Variants in DCC observed in about 807,000 individuals in gnomAD.
DCC encodes DCC netrin 1 receptor.
Under a neutral mutation model 172.5 loss-of-function variants are expected in DCC, and 58 were observed. That is an observed-to-expected ratio of 0.34 (90% CI 0.27 to 0.42). The LOEUF is 0.42. DCC is among the 10% of genes least tolerant of loss of function. The pLI is 1.00. For synonymous variants in DCC, 709 were observed against 644.5 expected, an observed-to-expected ratio of 1.10 and a Z score of -1.52; for missense variants, 1,740 against 1,791.0, an observed-to-expected ratio of 0.97 and a Z score of 0.51.
chr18:53,178,013 C>T (rs187431180), intron 8 of DCC, among the ~76,000 whole-genome samples: 36 of 152,174 alleles, frequency 2.4e-4, no homozygotes, highest in Non-Finnish European at 4.1e-4. Context: ...TTAAAGTGTA[C>T]GTATAATTCC....
chr18:53,141,490 C>G (rs1283959363), intron 7 of DCC, among the ~76,000 whole-genome samples: 1 of 152,126 alleles, frequency 6.6e-6, no homozygotes, highest in African/African-American at 2.4e-5. Flanking sequence ...AGCCAGAATC[C>G]TAAATTGCCG....
At chr18:53,013,258 T>A (rs1322435815) in intron 5 of DCC, among the ~76,000 whole-genome samples, 1 of 152,140 alleles carries the variant, frequency 6.6e-6, no homozygotes, top group African/African-American at 2.4e-5. Context: ...GTATGTTTAT[T>A]GCAGCACTAT....
At chr18:52,475,975 T>C (rs1277901061) in intron 1 of DCC, among the ~76,000 whole-genome samples, 1 of 152,194 alleles carries the variant, frequency 6.6e-6, no homozygotes, top group Non-Finnish European at 1.5e-5. Context: ...TTAGTTCTTT[T>C]CCAGATAACA....
At chr18:52,402,217 T>A (rs181123022) in intron 1 of DCC, among the ~76,000 whole-genome samples, 1 of 152,100 alleles carries the variant, frequency 6.6e-6, no homozygotes, top group East Asian at 1.9e-4. Context: ...AGTTAAACAT[T>A]TACTTTGGTG....
chr18:52,880,191 G>A (rs888472848), intron 2 of DCC, among the ~76,000 whole-genome samples: 1 of 151,890 alleles, frequency 6.6e-6, no homozygotes, highest in Non-Finnish European at 1.5e-5. Flanking sequence ...GAGTGCAGTG[G>A]TGCATTTCAG....
At chr18:53,127,040 G>A (rs571668334) in intron 7 of DCC, among the ~76,000 whole-genome samples, 2 of 151,636 alleles carry the variant, frequency 1.3e-5, no homozygotes, top group South Asian at 4.2e-4. Flanking sequence ...CTTTCAGACT[G>A]AACACATATT....
intron 1 of DCC, among the ~76,000 whole-genome samples, chr18:52,533,777 G>C (rs1037201314): frequency 3.3e-5 from 5 of 152,124 alleles, no homozygotes; most frequent in Admixed American, 6.6e-5. Context: ...CAATTACTGG[G>C]TGATTTGCTA....
intron 1 of DCC, among the ~76,000 whole-genome samples, chr18:52,600,146 A>T (rs1213450947): frequency 1.3e-5 from 2 of 152,222 alleles, no homozygotes; most frequent in African/African-American, 4.8e-5. Context: ...TGTTCTTCAC[A>T]TTGAGGCTCT....
intron 1 of DCC, among the ~76,000 whole-genome samples, chr18:52,743,991 T>C (rs74375277): frequency 0.055 from 8,363 of 152,278 alleles, 310 homozygotes; most frequent in Middle Eastern, 0.14. Context: ...TCTCTAGATA[T>C]GTGACAACTG....
intron 15 of DCC, among the ~76,000 whole-genome samples, chr18:53,372,156 T>A (rs949298625): frequency 6.6e-6 from 1 of 152,094 alleles, no homozygotes; most frequent in Admixed American, 6.6e-5. Context: ...TAAAGACACA[T>A]GTGTGTGTAT....
intron 14 of DCC, among the ~76,000 whole-genome samples, chr18:53,327,522 ACT>A (rs2057479815): frequency 6.6e-6 from 1 of 151,964 alleles, no homozygotes; most frequent in Admixed American, 6.6e-5. Context: ...TTTAAAATCG[ACT>A]CTCTACCCTG....
intron 1 of DCC, among the ~76,000 whole-genome samples, chr18:52,725,276 A>G (rs907315830): frequency 1.3e-5 from 2 of 152,222 alleles, no homozygotes; most frequent in Admixed American, 1.3e-4. Context: ...GCCAGTGATC[A>G]GTACACATTC....
intron 14 of DCC, among the ~76,000 whole-genome samples, chr18:53,327,572 G>A (rs1014771183): frequency 1.3e-5 from 2 of 152,138 alleles, no homozygotes; most frequent in African/African-American, 4.8e-5. Flanking sequence ...CGGCAGTGCA[G>A]ACTTAAGAAA....
intron 8 of DCC, among the ~76,000 whole-genome samples, chr18:53,169,115 C>A (rs936605829): frequency 5.3e-5 from 8 of 152,198 alleles, no homozygotes; most frequent in Admixed American, 6.5e-5. Context: ...GTAAATTGCA[C>A]AATGGTGCAT....
chr18:53,098,164 A>T (rs1332368720), intron 7 of DCC, among the ~76,000 whole-genome samples: 1 of 152,142 alleles, frequency 6.6e-6, no homozygotes, highest in Non-Finnish European at 1.5e-5. Flanking sequence ...TTGTTAGCTC[A>T]GTGTAGAATG....
At chr18:52,783,521 G>C (rs549403718) in intron 2 of DCC, among the ~76,000 whole-genome samples, 1 of 151,326 alleles carries the variant, frequency 6.6e-6, no homozygotes, top group African/African-American at 2.4e-5. Flanking sequence ...CCATGATGTT[G>C]ATAGTATTAT....
intron 1 of DCC, among the ~76,000 whole-genome samples, chr18:52,705,041 G>A (rs1460272312): frequency 1.3e-5 from 2 of 152,216 alleles, no homozygotes; most frequent in Non-Finnish European, 1.5e-5. Context: ...CTACAGCTGC[G>A]TCTCTGGCAT....
intron 5 of DCC, among the ~76,000 whole-genome samples, chr18:53,022,174 A>T (rs9950125): frequency 4.0e-5 from 6 of 151,866 alleles, no homozygotes; most frequent in African/African-American, 1.5e-4. Flanking sequence ...TTAAATATTC[A>T]GGATTTAGCA....
Position 53,227,772 on chromosome 18 carries a change from T to C in DCC, c.1911+12175T>C, listed in dbSNP as rs989383286. On this transcript the variant is annotated intron_variant, in intron 12 of 28. Coordinates refer to ENST00000442544, the MANE Select transcript of DCC (RefSeq NM_005215.4). ...ACAGTAAGAAATTTCACTTTCTTTTTTTTGTAGTAATGCAAGGTCCTCTTA... is the reference window on the plus strand; with the variant it reads ...ACAGTAAGAAATTTCACTTTCTTTTCTTTGTAGTAATGCAAGGTCCTCTTA... Among the ~76,000 whole-genome samples, 18 of 152,310 alleles carry C rather than the reference T, an allele frequency of 1.2e-4. 1 individual carries two copies. In the South Asian group the frequency reaches 3.3e-3, roughly 28 times the overall value.
Sources: allele counts gnomAD v4.1 joint callset (sites outside exome capture counted in the v4.1 genomes callset), GRCh38; gene constraint gnomAD v4.1.1; transcripts MANE v1.5; gene names NCBI Gene and HGNC (gene_info 2026-07-23, HGNC 2026-07-21).